The following YEATS2 variants were observed in gnomAD, a reference collection of about 807,000 sequenced individuals.
YEATS2 encodes YEATS domain containing 2.
YEATS2 carries 77 observed loss-of-function variants against 163.2 expected under a neutral mutation model. The ratio of observed to expected loss-of-function variants is 0.47; its 90% confidence interval spans 0.39 to 0.57. The LOEUF is 0.57. Ranked by LOEUF, YEATS2 falls within the 20% of genes least tolerant of loss-of-function variation. YEATS2 has a pLI of 0.00. For missense variants in YEATS2, 1,549 were observed against 1,729.8 expected, an observed-to-expected ratio of 0.90 and a Z score of 1.85; for synonymous variants, 631 against 645.1, an observed-to-expected ratio of 0.98 and a Z score of 0.33.
intron 19 of YEATS2, among the ~76,000 whole-genome samples, chr3:183,785,072 CAA>C (rs879758778): frequency 6.8e-6 from 1 of 146,856 alleles, no homozygotes; most frequent in African/African-American, 2.5e-5. Flanking sequence ...AACTCTGTCT[CAA>C]AAAAAAAAGT....
chr3:183,804,270 A>T, intron 27 of YEATS2, 82 bp downstream of exon 27: 1 of 1,538,702 alleles, frequency 6.5e-7, no homozygotes, highest in Non-Finnish European at 8.9e-7. Context: ...GACTTGGAAG[A>T]GTTGCTGTAG....
At chr3:183,741,636 G>A (rs1099352) in intron 8 of YEATS2, among the ~76,000 whole-genome samples, 60,254 of 151,576 alleles carry the variant, frequency 0.4, 12,529 homozygotes, top group Middle Eastern at 0.53. Flanking sequence ...ACAAAAAGTA[G>A]CTGGGCGTGG....
intron 23 of YEATS2, 92 bp from the exon 24 acceptor site, chr3:183,800,374 T>C (rs1725555191): frequency 1.1e-6 from 1 of 878,306 alleles, no homozygotes; most frequent in Non-Finnish European, 1.8e-6. Flanking sequence ...GTTTCCTTAC[T>C]GAGCTTCACT....
At position 183,776,082 on chromosome 3, in the gene YEATS2, C is replaced by T. The variant is rs769337409; in HGVS notation, c.2536C>T (p.His846Tyr). The T allele has an allele frequency of 1.2e-6, 2 of 1,608,228 alleles. No homozygotes were observed. The highest frequency in any genetic ancestry group is 2.2e-5 in the East Asian group (1 of 44,834). ...STAGPGGISQHLTYTSYILKQ... is the reference protein window; with the variant it reads ...STAGPGGISQYLTYTSYILKQ... Reference sequence around the variant, plus strand: ...TGCTGGCCCTGGAGGGATATCTCAGCACCTGACTTACACATCTTACATCCT... The same window carrying T: ...TGCTGGCCCTGGAGGGATATCTCAGTACCTGACTTACACATCTTACATCCT... Residue 846 changes from histidine (H) to tyrosine (Y), a missense_variant, in exon 18 of 31, where the codon CAC becomes TAC. Coordinates refer to ENST00000305135, the MANE Select transcript of YEATS2 (RefSeq NM_018023.5).
chr3:183,732,960 G>T (rs563704619), intron 7 of YEATS2, among the ~76,000 whole-genome samples: 1 of 151,524 alleles, frequency 6.6e-6, no homozygotes. Context: ...TCCTGGGCTC[G>T]AACTGTCCTC....
chr3:183,738,237 G>C (rs1049531360), intron 8 of YEATS2, among the ~76,000 whole-genome samples: 1 of 150,974 alleles, frequency 6.6e-6, no homozygotes, highest in Non-Finnish European at 1.5e-5. Context: ...TAGTTTCCAA[G>C]TGTTGAAGTA....
intron 15 of YEATS2, among the ~76,000 whole-genome samples, chr3:183,764,509 T>C (rs1170729100): frequency 1.3e-5 from 2 of 151,678 alleles, no homozygotes; most frequent in Non-Finnish European, 2.9e-5. Flanking sequence ...GAGATTAGGA[T>C]CAACTTAAAA....
At chr3:183,707,678 ATTTTTT>A (rs1176429941) in intron 1 of YEATS2, among the ~76,000 whole-genome samples, 1 of 106,158 alleles carries the variant, frequency 9.4e-6, no homozygotes, top group African/African-American at 3.8e-5. Context: ...TTCCCCACCT[ATTTTTT>A]TTTTTTTTTT....
At chr3:183,769,964 C>T (rs1356420573) in intron 15 of YEATS2, among the ~76,000 whole-genome samples, 4 of 151,204 alleles carry the variant, frequency 2.6e-5, no homozygotes, top group Admixed American at 6.6e-5. Flanking sequence ...GGATTACAGG[C>T]GCGAGCCACC....
intron 15 of YEATS2, among the ~76,000 whole-genome samples, 159 bp downstream of exon 15, chr3:183,762,438 C>T (rs965258787): frequency 1.3e-5 from 2 of 152,224 alleles, no homozygotes; most frequent in African/African-American, 4.8e-5. Context: ...TGGTGTGAAA[C>T]TCTTCTACTC....
intron 15 of YEATS2, among the ~76,000 whole-genome samples, chr3:183,769,375 T>C (rs1254782695): frequency 1.3e-5 from 2 of 152,246 alleles, no homozygotes; most frequent in Admixed American, 1.3e-4. Flanking sequence ...CCTTTGGCTG[T>C]CCTTTGCTGG....
At chr3:183,759,835 G>A (rs1366951973) in intron 13 of YEATS2, among the ~76,000 whole-genome samples, 1 of 152,198 alleles carries the variant, frequency 6.6e-6, no homozygotes, top group African/African-American at 2.4e-5. Flanking sequence ...CCCTTATGAT[G>A]GGTTTATCCA....
intron 9 of YEATS2, among the ~76,000 whole-genome samples, chr3:183,748,601 T>A (rs1325210020): frequency 2.6e-5 from 4 of 151,384 alleles, no homozygotes; most frequent in African/African-American, 9.7e-5. Flanking sequence ...TTCTTCTTTT[T>A]CTCTTCTCTT....
intron 4 of YEATS2, among the ~76,000 whole-genome samples, chr3:183,718,964 G>C (rs1285674767): frequency 1.3e-5 from 2 of 152,066 alleles, no homozygotes. Flanking sequence ...CCAAGTGCTG[G>C]GATTACAAGC....
intron 2 of YEATS2, among the ~76,000 whole-genome samples, chr3:183,715,590 G>GA (rs977288235): frequency 2.6e-5 from 4 of 152,144 alleles, no homozygotes; most frequent in African/African-American, 9.7e-5. Flanking sequence ...ATGGTACATG[G>GA]ATTAAGGTTT....
chr3:183,737,908 C>T (rs1049350662), intron 8 of YEATS2, among the ~76,000 whole-genome samples: 11 of 152,214 alleles, frequency 7.2e-5, no homozygotes, highest in Non-Finnish European at 1.2e-4. Flanking sequence ...CTCTGTCAGA[C>T]AACTCTGTGA....
intron 9 of YEATS2, among the ~76,000 whole-genome samples, chr3:183,750,375 G>A (rs776093370): frequency 6.6e-6 from 1 of 152,190 alleles, no homozygotes; most frequent in African/African-American, 2.4e-5. Context: ...GTTGTTAATA[G>A]TGCTGCTATG....
chr3:183,749,204 A>G (rs543820514), intron 9 of YEATS2, among the ~76,000 whole-genome samples: 1 of 152,178 alleles, frequency 6.6e-6, no homozygotes, highest in East Asian at 1.9e-4. Flanking sequence ...CGGCCTCCCA[A>G]AGTGCTGGGA....
intron 11 of YEATS2, among the ~76,000 whole-genome samples, 197 bp downstream of exon 11, chr3:183,754,562 T>G (rs1469115607): frequency 6.6e-6 from 1 of 152,182 alleles, no homozygotes. Context: ...CGGAAATGAA[T>G]GGAGGAGATA....
Sources: gnomAD v4.1 joint callset for allele counts (sites outside exome capture counted in the v4.1 genomes callset) on GRCh38, gnomAD v4.1.1 for gene constraint, MANE v1.5 for transcripts, NCBI Gene and HGNC (gene_info 2026-07-23, HGNC 2026-07-21) for gene names.